The following CHP1 variants were observed in gnomAD, a reference collection of about 807,000 sequenced individuals.
The protein encoded by CHP1 is calcineurin B homologous protein 1.
In CHP1, 11 loss-of-function variants were observed where a neutral mutation model predicts 27.4. The ratio of observed to expected loss-of-function variants is 0.40; its 90% CI spans 0.25 to 0.67. CHP1 has a LOEUF of 0.67. Among genes scored for constraint, CHP1 ranks in the 30% least tolerant of loss-of-function variants. CHP1 has a pLI of 0.38. For synonymous variants in CHP1, 89 were observed against 87.4 expected, an observed-to-expected ratio of 1.02 and a Z score of -0.10; for missense variants, 169 against 251.3, an observed-to-expected ratio of 0.67 and a Z score of 2.22.
chr15:41,257,035 A>G (rs766267269), intron 3 of CHP1, 45 bp downstream of exon 3: 1 of 1,440,144 alleles, frequency 6.9e-7, no homozygotes, highest in Admixed American at 1.7e-5. Flanking sequence ...GGCTATCACA[A>G]CCTAAATTAT....
intron 2 of CHP1, among the ~76,000 whole-genome samples, chr15:41,247,339 A>C (rs1595473593): frequency 6.7e-6 from 1 of 150,250 alleles, no homozygotes; most frequent in Non-Finnish European, 1.5e-5. Context: ...ACTGCCCTGC[A>C]CCCTGGGCAA....
intron 2 of CHP1, among the ~76,000 whole-genome samples, chr15:41,249,462 C>CTTTTTTT (rs1163537727): frequency 6.4e-5 from 5 of 78,532 alleles, no homozygotes; most frequent in South Asian, 5.3e-4. Context: ...CCTTCACCTT[C>CTTTTTTT]TTTTTTTTTT....
intron 2 of CHP1, among the ~76,000 whole-genome samples, chr15:41,245,530 T>C (rs191561693): frequency 2.6e-4 from 40 of 152,336 alleles, no homozygotes; most frequent in African/African-American, 9.6e-4. Flanking sequence ...TTAAGGTTCA[T>C]CCATGATGTA....
At chr15:41,240,537 C>T (rs1369265470) in intron 1 of CHP1, among the ~76,000 whole-genome samples, 5 of 151,908 alleles carry the variant, frequency 3.3e-5, no homozygotes, top group African/African-American at 7.3e-5. Flanking sequence ...GTGGATCACC[C>T]GAGGTTGGGA....
chr15:41,278,403 T>C (rs1003127858), intron 5 of CHP1, among the ~76,000 whole-genome samples: 1 of 152,038 alleles, frequency 6.6e-6, no homozygotes, highest in African/African-American at 2.4e-5. Context: ...GTTAGTTATG[T>C]AGGTAAACTC....
chr15:41,264,035 G>A, intron 4 of CHP1: 1 of 430,900 alleles, frequency 2.3e-6, no homozygotes, highest in East Asian at 7.0e-5. Flanking sequence ...GGTTGATTCT[G>A]TTTCAAGAAC....
intron 2 of CHP1, among the ~76,000 whole-genome samples, chr15:41,253,537 C>G (rs1382406705): frequency 6.6e-6 from 1 of 151,746 alleles, no homozygotes; most frequent in Non-Finnish European, 1.5e-5. Flanking sequence ...TCACTGCAAC[C>G]TCCACCTCCC....
rs368755434 is a variant in CHP1 at position 41,278,773 on chromosome 15, C to T, written c.418C>T (p.Arg140Cys). The stretch of plus-strand genomic sequence containing the variant: ...CTGGCTCTTGGTCTTCCAGGTGCTA[C>T]GCATGATGGTCGGAGTAAATATCTC... ...ISRDELLQVL[R>C]MMVGVNISDE... is the part of the protein sequence containing the mutation. The change falls in exon 6 of 7, where the codon CGC (arginine) becomes TGC (cysteine). Residue 140 changes from arginine to cysteine, a missense_variant. Arg to Cys is a radical substitution (Grantham distance 180, BLOSUM62 -3). Coordinates refer to ENST00000334660, the MANE Select transcript of CHP1 (RefSeq NM_007236.5). 1.2e-6 allele frequency: 2 copies of T among 1,614,088 alleles called. No individual in the cohort carries two copies. The highest frequency in any genetic ancestry group is 1.7e-6 in the Non-Finnish European group (2 of 1,179,996).
chr15:41,267,217 G>A (rs923687065), intron 4 of CHP1, among the ~76,000 whole-genome samples: 11 of 152,034 alleles, frequency 7.2e-5, no homozygotes, highest in African/African-American at 2.4e-4. Flanking sequence ...TTGTTAAAAG[G>A]GTACATTTTC....
At chr15:41,263,507 T>C (rs146370365) in intron 4 of CHP1, among the ~76,000 whole-genome samples, 3 of 152,330 alleles carry the variant, frequency 2.0e-5, no homozygotes, top group African/African-American at 7.2e-5. Flanking sequence ...CCCAATCCCT[T>C]ACAACACTTC....
intron 2 of CHP1, among the ~76,000 whole-genome samples, chr15:41,252,162 A>C (rs901415836): frequency 6.6e-6 from 1 of 151,708 alleles, no homozygotes; most frequent in Non-Finnish European, 1.5e-5. Flanking sequence ...CTTAAAATGG[A>C]AAGCTGTATT....
intron 4 of CHP1, among the ~76,000 whole-genome samples, chr15:41,268,027 A>G (rs563878503): frequency 2.9e-4 from 44 of 152,170 alleles, no homozygotes; most frequent in Non-Finnish European, 5.1e-4. Context: ...CACCTACTAC[A>G]TGCCAGGTAC....
intron 3 of CHP1, among the ~76,000 whole-genome samples, chr15:41,259,238 T>C (rs1567008509): frequency 1.3e-5 from 2 of 152,176 alleles, no homozygotes; most frequent in African/African-American, 4.8e-5. Context: ...CTTTGCCAAC[T>C]TTTTTTCAGA....
chr15:41,276,513 T>C (rs963352220), intron 5 of CHP1, among the ~76,000 whole-genome samples: 3 of 152,140 alleles, frequency 2.0e-5, no homozygotes, highest in Non-Finnish European at 4.4e-5. Context: ...AAGGAAGCAA[T>C]TTTCAAAGTA....
intron 3 of CHP1, among the ~76,000 whole-genome samples, chr15:41,262,178 A>G (rs887000236): frequency 6.6e-6 from 1 of 152,086 alleles, no homozygotes; most frequent in South Asian, 2.1e-4. Context: ...AAATAAATAA[A>G]GCAAGACTTT....
At chr15:41,243,323 A>C (rs1399625712) in intron 1 of CHP1, among the ~76,000 whole-genome samples, 1 of 152,200 alleles carries the variant, frequency 6.6e-6, no homozygotes, top group Non-Finnish European at 1.5e-5. Flanking sequence ...CTGGGTGACA[A>C]GAGCAAAACT....
At chr15:41,252,249 A>G (rs1200546068) in intron 2 of CHP1, among the ~76,000 whole-genome samples, 5 of 151,272 alleles carry the variant, frequency 3.3e-5, no homozygotes, top group Non-Finnish European at 7.4e-5. Context: ...GGCTGACTGC[A>G]ACCTCCGCCT....
At chr15:41,231,599 T>A (rs537660212) in intron 1 of CHP1, 150 bp downstream of exon 1, 3 of 705,642 alleles carry the variant, frequency 4.3e-6, no homozygotes, top group South Asian at 1.7e-5. Context: ...CTGGAAGACC[T>A]GTTCTTCCAG....
intron 1 of CHP1, among the ~76,000 whole-genome samples, chr15:41,239,213 T>G (rs1223346245): frequency 1.3e-5 from 2 of 152,150 alleles, no homozygotes; most frequent in African/African-American, 4.8e-5. Context: ...GTTCTAAAAT[T>G]TTGGAGATAA....
Sources: allele counts gnomAD v4.1 joint callset (sites outside exome capture counted in the v4.1 genomes callset), GRCh38; gene constraint gnomAD v4.1.1; transcripts MANE v1.5; gene names NCBI Gene and HGNC (gene_info 2026-07-23, HGNC 2026-07-21).